The following TMEM132C variants were observed in gnomAD, a reference collection of about 807,000 sequenced individuals.
The protein encoded by TMEM132C is protein phosphatase 1, regulatory subunit 152.
TMEM132C carries 29 observed loss-of-function variants against 61.4 expected under a neutral mutation model. The ratio of observed to expected loss-of-function variants is 0.47; its 90% CI spans 0.35 to 0.64. The LOEUF (loss-of-function observed/expected upper bound fraction) is 0.64, where lower values mean the gene tolerates loss of function less well. TMEM132C is among the 30% of genes least tolerant of loss of function. TMEM132C has a pLI of 0.00. For synonymous variants in TMEM132C, 656 were observed against 633.1 expected, an observed-to-expected ratio of 1.04 and a Z score of -0.54; for missense variants, 1,408 against 1,476.9, an observed-to-expected ratio of 0.95 and a Z score of 0.76.
At chr12:128,576,488 T>G (rs1287282232) in intron 3 of TMEM132C, among the ~76,000 whole-genome samples, 1 of 152,224 alleles carries the variant, frequency 6.6e-6, no homozygotes, top group Non-Finnish European at 1.5e-5. Flanking sequence ...TCCTATCTTT[T>G]GAGTTAATCT....
At chr12:128,617,321 G>A (rs938266672) in intron 4 of TMEM132C, among the ~76,000 whole-genome samples, 8 of 152,212 alleles carry the variant, frequency 5.3e-5, no homozygotes, top group African/African-American at 1.9e-4. Context: ...TGCCACGCTG[G>A]CTTCTTCACA....
chr12:128,436,093 C>T (rs1323556743), intron 2 of TMEM132C, among the ~76,000 whole-genome samples: 1 of 152,060 alleles, frequency 6.6e-6, no homozygotes, highest in Non-Finnish European at 1.5e-5. Context: ...ACTGGCTAGC[C>T]ATATGTAGAA....
intron 4 of TMEM132C, among the ~76,000 whole-genome samples, chr12:128,668,620 G>C (rs1247819798): frequency 1.3e-5 from 2 of 152,180 alleles, no homozygotes; most frequent in East Asian, 3.9e-4. Context: ...TCCTGATGCT[G>C]CGATGACAAA....
intron 5 of TMEM132C, among the ~76,000 whole-genome samples, chr12:128,683,709 G>A (rs934651737): frequency 5.9e-5 from 9 of 152,326 alleles, no homozygotes; most frequent in Middle Eastern, 3.4e-3. Context: ...GCTCACGCCT[G>A]TAATCCTAGC....
intron 3 of TMEM132C, among the ~76,000 whole-genome samples, chr12:128,595,725 C>T (rs1565985378): frequency 6.6e-6 from 1 of 152,190 alleles, no homozygotes; most frequent in Non-Finnish European, 1.5e-5. Context: ...CTGACAAATG[C>T]AGCCCTTTTC....
chr12:128,457,710 T>A (rs2136064768), intron 2 of TMEM132C, among the ~76,000 whole-genome samples: 1 of 152,016 alleles, frequency 6.6e-6, no homozygotes, highest in South Asian at 2.1e-4. Context: ...CACTGAGAGG[T>A]TACAGGTCAA....
At chr12:128,516,599 AG>A (rs1872726631) in intron 2 of TMEM132C, among the ~76,000 whole-genome samples, 1 of 101,318 alleles carries the variant, frequency 9.9e-6, no homozygotes, top group South Asian at 3.2e-4. Flanking sequence ...CCTCCAAAGG[AG>A]GGAAAAAAAA....
rs117770261 is a variant in TMEM132C at position 128,372,434 on chromosome 12, C to G, written c.86-42298C>G. Among the ~76,000 whole-genome samples the G allele has an allele frequency of 4.1e-3, 620 of 152,250 alleles. 3 individuals carry two copies. The highest frequency in any genetic ancestry group is 0.01 in the Middle Eastern group (3 of 294). On this transcript the variant is annotated intron_variant, in intron 1 of 8. Coordinates refer to ENST00000435159, the MANE Select transcript of TMEM132C (RefSeq NM_001136103.3). ...AGAAAGACAGAGACAGACAGAGTGA[C>G]TGAAAGCACAAGATGAAATAAACGT... is the stretch of plus-strand genomic sequence containing the variant.
At chr12:128,629,291 G>A (rs1369977925) in intron 4 of TMEM132C, among the ~76,000 whole-genome samples, 1 of 152,146 alleles carries the variant, frequency 6.6e-6, no homozygotes, top group Non-Finnish European at 1.5e-5. Context: ...AAGATAGGAA[G>A]GTGGCTTGAG....
intron 3 of TMEM132C, among the ~76,000 whole-genome samples, chr12:128,602,719 C>T (rs1876240713): frequency 6.6e-6 from 1 of 152,196 alleles, no homozygotes; most frequent in South Asian, 2.1e-4. Flanking sequence ...ACTTCAGTGA[C>T]CCATCCTGGA....
intron 4 of TMEM132C, among the ~76,000 whole-genome samples, chr12:128,657,480 A>G (rs1361876639): frequency 6.6e-6 from 1 of 152,190 alleles, no homozygotes; most frequent in Non-Finnish European, 1.5e-5. Context: ...GCAGGGAGGC[A>G]TGATCTGACT....
chr12:128,561,004 A>G (rs999807135), intron 3 of TMEM132C, among the ~76,000 whole-genome samples: 34 of 152,174 alleles, frequency 2.2e-4, no homozygotes, highest in Non-Finnish European at 2.9e-5. Flanking sequence ...GGAGTCAATG[A>G]TGGAGCCGCA....
chr12:128,418,594 A>T (rs1265153803), intron 2 of TMEM132C, among the ~76,000 whole-genome samples: 1 of 152,244 alleles, frequency 6.6e-6, no homozygotes, highest in African/African-American at 2.4e-5. Context: ...TTGCAAAAAT[A>T]GTACAGTGAT....
chr12:128,570,720 T>A lies in TMEM132C; in HGVS notation c.1121+26617T>A, dbSNP rs1002475777. On this transcript the variant is annotated intron_variant, in intron 3 of 8. Coordinates refer to ENST00000435159, the MANE Select transcript of TMEM132C (RefSeq NM_001136103.3). The surrounding 1 kb of genome is among the most constrained non-coding windows in gnomAD (Gnocchi z 4.7). ...AGGATGACAGCTATACCCACAGGCA[T>A]CTTATTGTGTTCCAGGTAGAGCAAA... Among the ~76,000 whole-genome samples the A allele has an allele frequency of 1.3e-5, 2 of 152,214 alleles. No homozygotes were observed. The highest frequency in any genetic ancestry group is 2.4e-5 in the African/African-American group (1 of 41,446).
At chr12:128,457,306 A>G (rs1282078227) in intron 2 of TMEM132C, among the ~76,000 whole-genome samples, 3 of 99,458 alleles carry the variant, frequency 3.0e-5, no homozygotes, top group Admixed American at 1.9e-4. Flanking sequence ...CTCCATCTGT[A>G]AAAAAAAAAA....
intron 3 of TMEM132C, among the ~76,000 whole-genome samples, chr12:128,549,988 C>T (rs895187575): frequency 6.6e-6 from 1 of 152,110 alleles, no homozygotes; most frequent in African/African-American, 2.4e-5. Flanking sequence ...GGAAATACAC[C>T]CAATGGATCA....
intron 1 of TMEM132C, among the ~76,000 whole-genome samples, chr12:128,352,688 G>T (rs998381466): frequency 2.0e-5 from 3 of 152,162 alleles, no homozygotes; most frequent in Non-Finnish European, 1.5e-5. Flanking sequence ...TTTGACTTCA[G>T]GTATATAGAT....
intron 3 of TMEM132C, among the ~76,000 whole-genome samples, chr12:128,609,398 G>A (rs756162130): frequency 4.0e-5 from 6 of 151,098 alleles, no homozygotes; most frequent in Non-Finnish European, 5.9e-5. Flanking sequence ...CCACCACCCT[G>A]GCTAATTTTT....
intron 5 of TMEM132C, among the ~76,000 whole-genome samples, chr12:128,686,216 A>G (rs1954675761): frequency 6.6e-6 from 1 of 152,090 alleles, no homozygotes; most frequent in African/African-American, 2.4e-5. Context: ...GTTTTCCCTG[A>G]GCATAGGGAG....
Sources: gnomAD v4.1 joint callset for allele counts (sites outside exome capture counted in the v4.1 genomes callset) on GRCh38, gnomAD v4.1.1 for gene constraint, Gnocchi (gnomAD v3.1) non-coding constraint, MANE v1.5 for transcripts, NCBI Gene and HGNC (gene_info 2026-07-23, HGNC 2026-07-21) for gene names.